The following ODAD3 variants were observed in gnomAD, a reference collection of about 807,000 sequenced individuals.
The protein encoded by ODAD3 is outer dynein arm-docking complex subunit 3.
Under a neutral mutation model 70.9 loss-of-function variants are expected in ODAD3, and 57 were observed. The ratio of observed to expected loss-of-function variants is 0.80; its 90% CI spans 0.65 to 1.00. The LOEUF (loss-of-function observed/expected upper bound fraction) is 1.00, where lower values mean the gene tolerates loss of function less well. Among genes scored for constraint, ODAD3 ranks in the 50% least tolerant of loss-of-function variants. The pLI, the probability that ODAD3 is intolerant of heterozygous loss-of-function variation, is 0.00. For missense variants in ODAD3, 797 were observed against 763.9 expected, an observed-to-expected ratio of 1.04 and a Z score of -0.51; for synonymous variants, 327 against 315.9, an observed-to-expected ratio of 1.04 and a Z score of -0.37.
At chr19:11,431,963 A>G (rs1969512915) in intron 1 of ODAD3, among the ~76,000 whole-genome samples, 1 of 149,518 alleles carries the variant, frequency 6.7e-6, no homozygotes, top group Non-Finnish European at 1.5e-5. Context: ...AAAAAAAAAA[A>G]TTAGCCGGGC....
intron 11 of ODAD3, 51 bp from the exon 12 acceptor site, chr19:11,421,263 C>T (rs922261261): frequency 6.5e-7 from 1 of 1,536,002 alleles, no homozygotes; most frequent in African/African-American, 1.4e-5. Flanking sequence ...CCAGGGGCCA[C>T]CGAGAAGTCA....
upstream of ODAD3, chr19:11,435,329 C>G (rs924276245): frequency 2.5e-5 from 16 of 643,094 alleles, no homozygotes; most frequent in African/African-American, 3.0e-4. Flanking sequence ...ACTTTGGGGT[C>G]ACGTGCTCAT....
chr19:11,422,412 T>G lies in ODAD3; in HGVS notation c.1434+59A>C, dbSNP rs1969159454. On this transcript the variant is annotated intron_variant, in intron 10 of 12. Transcript: ENST00000356392. The surrounding 1 kb of genome is among the most constrained non-coding windows in gnomAD (Gnocchi z 4.6). ...CTGGTGTGGCAGGAACCCCGCTTCGTGGCTGCGCCTCTGCGGTCCCAGGAG... is the reference window on the plus strand; with the variant it reads ...CTGGTGTGGCAGGAACCCCGCTTCGGGGCTGCGCCTCTGCGGTCCCAGGAG... 1 of 1,467,048 alleles carries G rather than the reference T, an allele frequency of 6.8e-7. No individual in the cohort carries two copies. The highest frequency in any genetic ancestry group is 9.0e-7 in the Non-Finnish European group (1 of 1,105,318). The allele number at this position is 1,467,048 out of a possible 1,614,324, so 90.9% of individuals were successfully genotyped here. A position where few individuals can be genotyped will look rare whatever the true frequency, so the allele number is the denominator to read the frequency against.
intron 7 of ODAD3, among the ~76,000 whole-genome samples, chr19:11,425,670 T>C (rs1221423503): frequency 1.5e-5 from 2 of 133,700 alleles, no homozygotes; most frequent in East Asian, 2.1e-4. Context: ...TATATATATA[T>C]GCAAAAAAAA....
intron 3 of ODAD3, among the ~76,000 whole-genome samples, chr19:11,429,335 C>T (rs1969455248): frequency 6.6e-6 from 1 of 152,036 alleles, no homozygotes; most frequent in South Asian, 2.1e-4. Flanking sequence ...CCTCAGACTC[C>T]TGAGTAGCTG....
In ODAD3 at chr19:11,423,907, G is replaced by A. The variant is rs777592335; in HGVS notation, c.1086C>T (p.Val362=). ...MYQMEVIFGK[V]KDATGTDETH... ...TCTCGTCAGTGCCAGTGGCGTCCTT[G>A]ACCTTGCCAAAGATCACCTCCATCT... is the stretch of plus-strand genomic sequence containing the variant. Residue 362 remains valine, a synonymous_variant, in exon 8 of 13, where the codon GTC becomes GTT. Coordinates refer to ENST00000356392, the MANE Select transcript of ODAD3 (RefSeq NM_145045.5). 2 of 1,612,912 alleles carry A rather than the reference G, an allele frequency of 1.2e-6. No individual in the cohort carries two copies. Among genetic ancestry groups the A allele is most frequent in the South Asian group, 1.1e-5 (1 of 91,058 alleles).
intron 7 of ODAD3, among the ~76,000 whole-genome samples, chr19:11,424,628 T>A (rs867337734): frequency 4.4e-3 from 519 of 119,208 alleles, no homozygotes; most frequent in East Asian, 0.019. Context: ...TATGTGTATA[T>A]ATGTATATAT....
intron 1 of ODAD3, 41 bp downstream of exon 1, chr19:11,434,732 T>C: frequency 6.4e-7 from 1 of 1,568,054 alleles, no homozygotes. Context: ...GGATGGGCAC[T>C]GTTGACCCCT....
rs112493796 is a variant in ODAD3, at chr19:11,430,745, C to A, written c.398G>T (p.Arg133Leu). The A allele has an allele frequency of 6.2e-7, 1 of 1,613,892 alleles. No individual in the cohort carries two copies. Among genetic ancestry groups the A allele is most frequent in the Non-Finnish European group, 8.5e-7 (1 of 1,180,014 alleles). ...GDEKVVQAVIREWKWEKPYLK... is the reference protein window; with the variant it reads ...GDEKVVQAVILEWKWEKPYLK... The stretch of plus-strand genomic sequence containing the variant: ...GTATGGCTTCTCCCACTTCCATTCG[C>A]GAATCACTGCCTGGACCACTTTCTC... The change falls in exon 3 of 13, where the codon CGC becomes CTC. Residue 133 changes from arginine to leucine, a missense_variant. Physicochemically the swap from Arg to Leu is moderately radical, Grantham distance 102. Coordinates refer to ENST00000356392, the MANE Select transcript of ODAD3 (RefSeq NM_145045.5).
chr19:11,426,404 G>A (rs745602536), intron 6 of ODAD3, 42 bp downstream of exon 6: 10 of 1,612,670 alleles, frequency 6.2e-6, no homozygotes, highest in East Asian at 2.2e-5. Flanking sequence ...CTGGGAGACC[G>A]CGGCAGCTGG....
At chr19:11,421,023 A>C (rs1599450834) in intron 12 of ODAD3, 76 bp from the exon 13 acceptor site, 6 of 1,562,556 alleles carry the variant, frequency 3.8e-6, no homozygotes, top group African/African-American at 1.4e-5. Context: ...TCCCTTTACC[A>C]CCCCACTCCA....
chr19:11,432,640 T>C (rs537140596), intron 1 of ODAD3, among the ~76,000 whole-genome samples: 1 of 152,284 alleles, frequency 6.6e-6, no homozygotes, highest in African/African-American at 2.4e-5. Context: ...GAGCATTTAT[T>C]ATGTGTTGGA....
At chr19:11,425,061 G>GTGTATATA (rs1419616290) in intron 7 of ODAD3, among the ~76,000 whole-genome samples, 1 of 126,260 alleles carries the variant, frequency 7.9e-6, no homozygotes, top group East Asian at 2.3e-4. Flanking sequence ...ATGTGTATAT[G>GTGTATATA]TGTATATATG....
At chr19:11,430,872 C>T (rs765729089) in intron 2 of ODAD3, 27 bp downstream of exon 2, 10 of 1,613,970 alleles carry the variant, frequency 6.2e-6, no homozygotes, top group Non-Finnish European at 8.5e-6. Context: ...GCCACGGGAA[C>T]CCTACACCCA....
At position 11,425,307 on chromosome 19, in the gene ODAD3, G is replaced by GTGTATATA. The variant is rs1969302376; in HGVS notation, c.963+836_963+837insTATATACA. Among the ~76,000 whole-genome samples the GTGTATATA allele has an allele frequency of 1.6e-4, 18 of 111,062 alleles. 5 individuals carry two copies. Among genetic ancestry groups the GTGTATATA allele is most frequent in the African/African-American group, 1.0e-3 (18 of 17,230 alleles). 72.9% of individuals were successfully genotyped at this position (111,062 alleles called of 152,430 possible). ...TGTACATATGTGTATATATGTGTAT[G>GTGTATATA]TGTACATATGTGTATATGTACATAT... On this transcript the variant is annotated intron_variant, in intron 7 of 12. Coordinates refer to ENST00000356392, the MANE Select transcript of ODAD3 (RefSeq NM_145045.5).
chr19:11,422,849 G>C lies in ODAD3; in HGVS notation c.1129C>G (p.Arg377Gly), dbSNP rs529227957. ...GTDETHSLVR[R>G]FLAQGDTFAQ... The stretch of plus-strand genomic sequence containing the variant: ...AAGGTGTCGCCCTGGGCCAGGAACC[G>C]CCGCACCAACGACTGCGGGCCACCC... The change falls in exon 9 of 13, where the codon CGG becomes GGG. Residue 377 changes from arginine (R) to glycine (G), a missense_variant. Arg to Gly is a moderately radical substitution (Grantham distance 125). Transcript: ENST00000356392. This position sits in a 1 kb window ranked among gnomAD's most constrained non-coding sequence, Gnocchi z 4.6. 2 of 1,603,740 alleles carry C rather than the reference G, an allele frequency of 1.2e-6. No homozygotes were observed. Among genetic ancestry groups the C allele is most frequent in the Non-Finnish European group, 1.7e-6 (2 of 1,179,734 alleles).
At chr19:11,434,015 G>A (rs897056209) in intron 1 of ODAD3, among the ~76,000 whole-genome samples, 2 of 151,954 alleles carry the variant, frequency 1.3e-5, no homozygotes, top group Non-Finnish European at 2.9e-5. Context: ...TCAGGAGTTC[G>A]AGACCAGCCT....
At chr19:11,429,813 C>T (rs1055760968) in intron 3 of ODAD3, among the ~76,000 whole-genome samples, 10 of 151,282 alleles carry the variant, frequency 6.6e-5, no homozygotes, top group East Asian at 2.0e-4. Context: ...GCTGGGATTA[C>T]GGGCGTGAGC....
chr19:11,429,052 T>C (rs1326355606), intron 3 of ODAD3, among the ~76,000 whole-genome samples: 1 of 150,976 alleles, frequency 6.6e-6, no homozygotes, highest in Non-Finnish European at 1.5e-5. Context: ...TAATTTTTTG[T>C]ATTTTTAGTA....
Sources: allele counts gnomAD v4.1 joint callset (sites outside exome capture counted in the v4.1 genomes callset), GRCh38; gene constraint gnomAD v4.1.1; non-coding constraint Gnocchi (gnomAD v3.1); transcripts MANE v1.5; gene names NCBI Gene and HGNC (gene_info 2026-07-23, HGNC 2026-07-21).